VWA5B1: variants seen among roughly 807,000 people sequenced by gnomAD.
VWA5B1 encodes the protein von Willebrand factor A domain containing 5B1.
VWA5B1 carries 115 observed loss-of-function variants against 118.2 expected under a neutral mutation model. The ratio of observed to expected loss-of-function variants is 0.97; its 90% confidence interval spans 0.84 to 1.14. The LOEUF (loss-of-function observed/expected upper bound fraction) is 1.14, where lower values mean the gene tolerates loss of function less well. Ranked by LOEUF, VWA5B1 falls within the 50% of genes most tolerant of loss-of-function variation. The pLI, the probability that VWA5B1 is intolerant of heterozygous loss-of-function variation, is 0.00. For synonymous variants in VWA5B1, 682 were observed against 658.4 expected (o/e 1.04, Z -0.55); for missense variants, 1,596 against 1,603.8 (o/e 1.00, Z 0.08).
chr1:20,346,856 C>A (rs1034999943), intron 17 of VWA5B1, among the ~76,000 whole-genome samples: 1 of 152,204 alleles, frequency 6.6e-6, no homozygotes, highest in African/African-American at 2.4e-5. Context: ...AAAATATGCC[C>A]TTCCTAATTC....
In VWA5B1 at chr1:20,355,394, G is replaced by C. The variant is rs1223883610; in HGVS notation, c.*1131G>C. Among the ~76,000 whole-genome samples the C allele has an allele frequency of 6.6e-6, 1 of 152,220 alleles. No homozygotes were observed. The highest frequency in any genetic ancestry group is 1.5e-5 in the Non-Finnish European group (1 of 68,026). On this transcript the variant is annotated 3_prime_UTR_variant, in exon 22 of 22. Transcript: ENST00000289815. ...TGGGGAATGGCGTGCTGTGGCCGCAGATACCCTAATGGCTGGCATAGAGCT... is the reference window on the plus strand; with the variant it reads ...TGGGGAATGGCGTGCTGTGGCCGCACATACCCTAATGGCTGGCATAGAGCT...
Position 20,318,720 on chromosome 1 carries a change from C to T in VWA5B1, c.840C>T (p.Ser280=), listed in dbSNP as rs370976049. ...CTGTGGAGATCCTCATCCACCCCAG[C>T]GGTACGGTGCCCCACAACGGGCCCC... ...DRPVEILIHP[S]EPHMPHVLIE... is the part of the protein sequence containing the mutation. The change falls in exon 6 of 22, where the codon AGC becomes AGT. Residue 280 remains serine, a splice_region_variant and synonymous_variant. Coordinates refer to ENST00000289815, the MANE Select transcript of VWA5B1 (RefSeq NM_001039500.3). The T allele has an allele frequency of 5.2e-5, 78 of 1,486,000 alleles. 2 individuals are homozygous for T. In the Middle Eastern group the frequency reaches 5.3e-4, roughly 10 times the overall value. 92.1% of individuals were successfully genotyped at this position (1,486,000 alleles called of 1,614,324 possible).
At chr1:20,349,731 CTTTTTTTT>C (rs35309990) in intron 18 of VWA5B1, among the ~76,000 whole-genome samples, 1 of 111,786 alleles carries the variant, frequency 8.9e-6, no homozygotes, top group South Asian at 3.0e-4. Flanking sequence ...ACATTCCTGA[CTTTTTTTT>C]TTTTTTTTTT....
At position 20,356,435 on chromosome 1, in the gene VWA5B1, T is replaced by C. The variant is rs962353032; in HGVS notation, c.*2172T>C. On this transcript the variant is annotated 3_prime_UTR_variant, in exon 22 of 22. Transcript: ENST00000289815. ...GTGGCGTGTGTGTTCTGGGCCTCTT[T>C]CTTCCTCTACATAACCAGGCTGAAC... Among the ~76,000 whole-genome samples the C allele has an allele frequency of 2.0e-5, 3 of 152,202 alleles. No individual in the cohort carries two copies. Among genetic ancestry groups the C allele is most frequent in the African/African-American group, 7.2e-5 (3 of 41,450 alleles).
intron 12 of VWA5B1, 96 bp downstream of exon 12, chr1:20,333,047 C>A: frequency 1.4e-6 from 2 of 1,421,710 alleles, no homozygotes; most frequent in Admixed American, 2.3e-5. Context: ...CAGCTAGAAA[C>A]CAACTGGAAG....
chr1:20,354,058 GGCTGGA>G lies in VWA5B1; in HGVS notation c.3446_3451del (p.Leu1149_Glu1150del). ...TGGGCCACGGTGGTGGGGCTGGCAT[GGCTGGA>G]GCACAGTTCGGCCTCCTACTTCACT... On this transcript the variant is annotated inframe_deletion, in exon 22 of 22. Transcript: ENST00000289815. The G allele has an allele frequency of 3.2e-6, 5 of 1,551,590 alleles. No homozygotes were observed. The highest frequency in any genetic ancestry group is 4.4e-6 in the Non-Finnish European group (5 of 1,146,996).
chr1:20,303,032 A>G (rs1268897495), intron 1 of VWA5B1: 1 of 152,176 alleles, frequency 6.6e-6, no homozygotes, highest in Admixed American at 6.5e-5. Flanking sequence ...AGAATTCTAG[A>G]AGGTTAGGAC....
intron 13 of VWA5B1, 135 bp from the exon 14 acceptor site, chr1:20,337,511 G>A (rs2089751042): frequency 2.0e-6 from 2 of 985,260 alleles, no homozygotes; most frequent in Non-Finnish European, 2.9e-6. Flanking sequence ...TTGGATGCCA[G>A]GGGAGGCATC....
chr1:20,352,113 C>T lies in VWA5B1; in HGVS notation c.3082C>T (p.Pro1028Ser). The T allele has an allele frequency of 6.4e-7, 1 of 1,551,478 alleles. No homozygotes were observed. Among genetic ancestry groups the T allele is most frequent in the Non-Finnish European group, 8.7e-7 (1 of 1,146,962 alleles). ...TRAAKGFLSK[P>S]LIKAVESTSG... ...AGCAGCCAAGGGCTTCCTGAGCAAGCCACTGATCAAAGCTGTGGAGTCGAC... is the reference window on the plus strand; with the variant it reads ...AGCAGCCAAGGGCTTCCTGAGCAAGTCACTGATCAAAGCTGTGGAGTCGAC... Residue 1028 changes from proline (P) to serine (S), a missense_variant, in exon 21 of 22, where the codon CCA (proline) becomes TCA (serine). Pro to Ser is a moderately conservative substitution (Grantham distance 74, BLOSUM62 -1). Coordinates refer to ENST00000289815, the MANE Select transcript of VWA5B1 (RefSeq NM_001039500.3).
intron 5 of VWA5B1, 21 bp from the exon 6 acceptor site, chr1:20,318,569 T>G (rs985822338): frequency 6.4e-7 from 1 of 1,551,008 alleles, no homozygotes; most frequent in Non-Finnish European, 8.7e-7. Flanking sequence ...TATATCCCCC[T>G]TGCCTTTCTA....
intron 8 of VWA5B1, 103 bp downstream of exon 8, chr1:20,323,635 C>A: frequency 3.3e-6 from 4 of 1,221,440 alleles, no homozygotes; most frequent in Non-Finnish European, 4.2e-6. Context: ...CAAGAAACAA[C>A]TTTTAAAAAT....
Position 20,302,199 on chromosome 1 carries a change from C to T in VWA5B1, c.-26-8377C>T, listed in dbSNP as rs573388084. Among the ~76,000 whole-genome samples the T allele has an allele frequency of 5.3e-5, 8 of 152,244 alleles. No homozygotes were observed. The South Asian group carries it at 1.7e-3, about 32-fold the overall frequency. On this transcript the variant is annotated intron_variant, in intron 1 of 21. Transcript: ENST00000289815. Reference sequence around the variant, plus strand: ...TCTCAGGCAGTGTGAGGACATAAAGCACCGAGAAGCCTGAGCATTCTGTGC... The same window carrying T: ...TCTCAGGCAGTGTGAGGACATAAAGTACCGAGAAGCCTGAGCATTCTGTGC...
intron 8 of VWA5B1, among the ~76,000 whole-genome samples, chr1:20,326,685 A>G (rs753366556): frequency 6.6e-6 from 1 of 152,050 alleles, no homozygotes; most frequent in Non-Finnish European, 1.5e-5. Flanking sequence ...TCCTGACCTC[A>G]TGATCTGCCT....
At chr1:20,307,943 T>C (rs2088711770) in intron 1 of VWA5B1, among the ~76,000 whole-genome samples, 1 of 151,958 alleles carries the variant, frequency 6.6e-6, no homozygotes, top group South Asian at 2.1e-4. Context: ...TGTTGCATGA[T>C]GGTGAGTTTT....
chr1:20,338,255 G>A (rs1228606519), intron 14 of VWA5B1: 6 of 358,962 alleles, frequency 1.7e-5, no homozygotes, highest in Non-Finnish European at 2.2e-5. Flanking sequence ...AGGACCCCCT[G>A]CCTTCAAAGC....
In VWA5B1 at chr1:20,342,943, T is replaced by G. The variant is rs1249937417; in HGVS notation, c.2312-136T>G. 6 of 1,414,290 alleles carry G rather than the reference T, an allele frequency of 4.2e-6. No homozygotes were observed. The Admixed American group carries it at 1.4e-4, about 34-fold the overall frequency. The allele number at this position is 1,414,290 out of a possible 1,614,324, so 87.6% of individuals were successfully genotyped here. A position where few individuals can be genotyped will look rare whatever the true frequency, so the allele number is the denominator to read the frequency against. On this transcript the variant is annotated intron_variant, in intron 15 of 21. Transcript: ENST00000289815. ...GCTGTCCTAGGAAAGCAGTTGGAGTTGCCTGTTCCCTGGGGAGATGGAGTG... is the reference window on the plus strand; with the variant it reads ...GCTGTCCTAGGAAAGCAGTTGGAGTGGCCTGTTCCCTGGGGAGATGGAGTG...
intron 20 of VWA5B1, 73 bp downstream of exon 20, chr1:20,350,999 TGACTTGGAAGGCCAAA>T (rs2101021197): frequency 6.9e-7 from 1 of 1,459,732 alleles, no homozygotes; most frequent in East Asian, 2.5e-5. Flanking sequence ...GGGTTTTCCC[TGACTTGGAAGGCCAAA>T]GACAGGTTCA....
Position 20,345,458 on chromosome 1 carries a change from T to C in VWA5B1, c.2629T>C (p.Ser877Pro). 2 of 1,550,724 alleles carry C rather than the reference T, an allele frequency of 1.3e-6. No individual in the cohort carries two copies. The highest frequency in any genetic ancestry group is 2.4e-5 in the South Asian group (2 of 84,040). Residue 877 changes from serine to proline, a missense_variant and splice_region_variant, in exon 17 of 22, where the codon TCC becomes CCC. By Grantham distance (74) the Ser-to-Pro change is moderately conservative. Coordinates refer to ENST00000289815, the MANE Select transcript of VWA5B1 (RefSeq NM_001039500.3). Reference sequence around the variant, plus strand: ...GACCCCAGTTTCTCCCTCCACAGGGTCCAACCGCCGCTACCAAGTGAGCGC... The same window carrying C: ...GACCCCAGTTTCTCCCTCCACAGGGCCCAACCGCCGCTACCAAGTGAGCGC... ...AEREGEIEQG[S>P]NRRYQVSALH...
chr1:20,341,775 C>T (rs2089880610), intron 14 of VWA5B1, among the ~76,000 whole-genome samples: 1 of 152,100 alleles, frequency 6.6e-6, no homozygotes, highest in African/African-American at 2.4e-5. Flanking sequence ...ATTAAATCAA[C>T]AAAACAGAAC....
Sources: allele counts gnomAD v4.1 joint callset (sites outside exome capture counted in the v4.1 genomes callset), GRCh38; gene constraint gnomAD v4.1.1; transcripts MANE v1.5; gene names NCBI Gene and HGNC (gene_info 2026-07-23, HGNC 2026-07-21).